The following ORC5 variants were observed in gnomAD, a reference collection of about 807,000 sequenced individuals.
The protein encoded by ORC5 is protein phosphatase 1, regulatory subunit 117.
ORC5 carries 39 observed loss-of-function variants against 58.8 expected under a neutral mutation model. The ratio of observed to expected loss-of-function variants is 0.66; its 90% CI spans 0.51 to 0.87. ORC5 has a LOEUF of 0.87. ORC5 is among the 40% of genes least tolerant of loss of function. ORC5 has a pLI of 0.00. For synonymous variants in ORC5, 218 were observed against 177.6 expected (o/e 1.23, Z -1.81); for missense variants, 493 against 506.3 (o/e 0.97, Z 0.25).
chr7:104,150,874 T>C (rs2299407), intron 12 of ORC5, among the ~76,000 whole-genome samples: 95,353 of 151,740 alleles, frequency 0.63, 31,757 homozygotes, highest in Non-Finnish European at 0.76. Flanking sequence ...ATGAGTGCTA[T>C]GTTAGTATTA....
Position 104,192,375 on chromosome 7 carries a change from G to T in ORC5, c.553+2768C>A, listed in dbSNP as rs147051097. Reference sequence around the variant, plus strand: ...TGTCAATTCCCAGAAATCACACAGGGCTGTGAATTTTTCATGTTGCCACTA... The same window carrying T: ...TGTCAATTCCCAGAAATCACACAGGTCTGTGAATTTTTCATGTTGCCACTA... On this transcript the variant is annotated intron_variant, in intron 5 of 13. Transcript: ENST00000297431. 1.1e-3 allele frequency among the ~76,000 whole-genome samples: 171 copies of T among 152,208 alleles called. 3 individuals are homozygous for T. The East Asian group carries it at 0.026, about 23-fold the overall frequency.
At chr7:104,160,473 C>G (rs1338617814) in intron 12 of ORC5, among the ~76,000 whole-genome samples, 1 of 152,002 alleles carries the variant, frequency 6.6e-6, no homozygotes, top group African/African-American at 2.4e-5. Flanking sequence ...TTTTCTGGAC[C>G]ATTTAAGAAA....
At chr7:104,194,570 C>T (rs1458775774) in intron 5 of ORC5, among the ~76,000 whole-genome samples, 1 of 151,780 alleles carries the variant, frequency 6.6e-6, no homozygotes, top group Non-Finnish European at 1.5e-5. Flanking sequence ...AAATAAGAAA[C>T]ACAAGGGCTG....
chr7:104,185,720 T>C (rs992652029), intron 6 of ORC5, among the ~76,000 whole-genome samples: 4 of 152,100 alleles, frequency 2.6e-5, no homozygotes, highest in Admixed American at 6.5e-5. Context: ...TAGTTTTCCA[T>C]GAATCAACAC....
chr7:104,195,766 T>C (rs1220217497), intron 4 of ORC5, among the ~76,000 whole-genome samples: 1 of 152,216 alleles, frequency 6.6e-6, no homozygotes, highest in Non-Finnish European at 1.5e-5. Context: ...TAATAACAAA[T>C]TATTGAATTG....
intron 8 of ORC5, among the ~76,000 whole-genome samples, chr7:104,182,952 T>C (rs1299751258): frequency 6.6e-6 from 1 of 152,074 alleles, no homozygotes; most frequent in Admixed American, 6.5e-5. Context: ...CTGGCCAACA[T>C]GTTGAAACCC....
intron 12 of ORC5, among the ~76,000 whole-genome samples, chr7:104,148,258 T>G (rs1798792006): frequency 6.6e-6 from 1 of 152,202 alleles, no homozygotes; most frequent in South Asian, 2.1e-4. Context: ...AGCACTGGCT[T>G]TGAATACTAT....
chr7:104,168,225 C>T (rs959604637), intron 9 of ORC5: 49 of 1,019,180 alleles, frequency 4.8e-5, no homozygotes, highest in Non-Finnish European at 5.4e-5. Flanking sequence ...ATAGAAACTG[C>T]TTGATTTTCA....
In ORC5 at chr7:104,135,014, T is replaced by C. The variant is rs115065200; in HGVS notation, c.1262+1767A>G. ...CTAAAGTTCTTGCTTCCTTCTGAGG[T>C]GGTAAATGAAAGTGCATGTCTCTGG... On this transcript the variant is annotated intron_variant, in intron 13 of 13. Coordinates refer to ENST00000297431, the MANE Select transcript of ORC5 (RefSeq NM_002553.4). 3.4e-3 allele frequency among the ~76,000 whole-genome samples: 510 copies of C among 152,230 alleles called. 3 individuals carry two copies. Among genetic ancestry groups the C allele is most frequent in the African/African-American group, 0.012 (493 of 41,552 alleles).
chr7:104,173,723 T>TAGTA (rs1799259805), intron 8 of ORC5, among the ~76,000 whole-genome samples: 8 of 152,232 alleles, frequency 5.3e-5, no homozygotes, highest in Admixed American at 1.3e-4. Context: ...CTGGTTTGAA[T>TAGTA]ACTCCGGTTA....
At chr7:104,205,482 T>C (rs1800057024) in intron 1 of ORC5, among the ~76,000 whole-genome samples, 1 of 152,322 alleles carries the variant, frequency 6.6e-6, no homozygotes, top group Middle Eastern at 3.4e-3. Flanking sequence ...TATCATCGAT[T>C]ACAGCAACAG....
At chr7:104,198,704 G>A (rs1190004756) in intron 3 of ORC5, among the ~76,000 whole-genome samples, 1 of 152,220 alleles carries the variant, frequency 6.6e-6, no homozygotes, top group Non-Finnish European at 1.5e-5. Flanking sequence ...CCATTTTCTG[G>A]GGAGAAATTC....
In ORC5 at chr7:104,161,191, A is replaced by C. The variant is rs912878718; in HGVS notation, c.1039-9T>G. ...AGGAGATGATTGCTTGTCTGTAAAAAACAAAACAAAAACATGGATTTTCTT... is the reference window on the plus strand; with the variant it reads ...AGGAGATGATTGCTTGTCTGTAAAACACAAAACAAAAACATGGATTTTCTT... On this transcript the variant is annotated splice_polypyrimidine_tract_variant and intron_variant, in intron 11 of 13. Coordinates refer to ENST00000297431, the MANE Select transcript of ORC5 (RefSeq NM_002553.4). 2.1e-5 allele frequency: 31 copies of C among 1,454,396 alleles called. No homozygotes were observed. The highest frequency in any genetic ancestry group is 3.0e-5 in the Non-Finnish European group (31 of 1,037,574). 90.1% of individuals were successfully genotyped at this position (1,454,396 alleles called of 1,614,324 possible). A position where few individuals can be genotyped will look rare whatever the true frequency, so the allele number is the denominator to read the frequency against.
At chr7:104,172,645 A>C (rs1799235124) in intron 8 of ORC5, among the ~76,000 whole-genome samples, 1 of 152,220 alleles carries the variant, frequency 6.6e-6, no homozygotes, top group South Asian at 2.1e-4. Flanking sequence ...TAATATCTAT[A>C]AGACACTTCA....
chr7:104,192,625 T>C (rs905708726), intron 5 of ORC5, among the ~76,000 whole-genome samples: 2 of 152,030 alleles, frequency 1.3e-5, no homozygotes, highest in Non-Finnish European at 2.9e-5. Flanking sequence ...ACAATGTCTA[T>C]AATTCTATCA....
In ORC5 at chr7:104,126,648, G is replaced by C; in HGVS notation, c.*200C>G. 1 of 489,732 alleles carries C rather than the reference G, an allele frequency of 2.0e-6. No individual in the cohort carries two copies. Among genetic ancestry groups the C allele is most frequent in the Non-Finnish European group, 3.6e-6 (1 of 278,676 alleles). 30.3% of individuals were successfully genotyped at this position (489,732 alleles called of 1,614,324 possible). ...TAACACGTTGCTTCCAAATACTCCAGGGTCCCTGGTAAATAGTCTTCTGCT... is the reference window on the plus strand; with the variant it reads ...TAACACGTTGCTTCCAAATACTCCACGGTCCCTGGTAAATAGTCTTCTGCT... On this transcript the variant is annotated 3_prime_UTR_variant, in exon 14 of 14. Transcript: ENST00000297431.
At chr7:104,202,469 AAT>A (rs1414888596) in intron 2 of ORC5, 1 of 452,854 alleles carries the variant, frequency 2.2e-6, no homozygotes, top group Non-Finnish European at 4.4e-6. Flanking sequence ...CTCTGTTATG[AAT>A]AGTGTCTTGC....
intron 1 of ORC5, among the ~76,000 whole-genome samples, chr7:104,206,712 G>A (rs999553625): frequency 9.2e-5 from 14 of 152,296 alleles, no homozygotes; most frequent in Non-Finnish European, 5.9e-5. Context: ...GTACAGTCAC[G>A]TGTACATTCA....
chr7:104,132,997 T>TA (rs939804280), intron 13 of ORC5, among the ~76,000 whole-genome samples: 1 of 151,910 alleles, frequency 6.6e-6, no homozygotes, highest in Non-Finnish European at 1.5e-5. Context: ...ATGGTGAATA[T>TA]AAAAAATGGA....
Sources: gnomAD v4.1 joint callset for allele counts (sites outside exome capture counted in the v4.1 genomes callset) on GRCh38, gnomAD v4.1.1 for gene constraint, MANE v1.5 for transcripts, NCBI Gene and HGNC (gene_info 2026-07-23, HGNC 2026-07-21) for gene names.